The following PHF21B variants were observed in gnomAD, a reference collection of about 807,000 sequenced individuals.
PHF21B encodes PHD finger protein 21B, also known as PHD finger protein 4.
Under a neutral mutation model 62.2 loss-of-function variants are expected in PHF21B, and 22 were observed. That is an observed-to-expected ratio of 0.35 (90% CI 0.25 to 0.51). The LOEUF is 0.51. PHF21B is among the 20% of genes least tolerant of loss of function. The pLI is 0.97. For missense variants in PHF21B, 701 were observed against 707.9 expected (o/e 0.99, Z 0.11); for synonymous variants, 341 against 314.7 (o/e 1.08, Z -0.88).
intron 2 of PHF21B, among the ~76,000 whole-genome samples, chr22:44,987,760 C>A (rs554293872): frequency 1.6e-3 from 98 of 61,890 alleles, no homozygotes; most frequent in African/African-American, 5.6e-3. Context: ...AACACTCTCT[C>A]GTCTCCTCTC....
At chr22:44,989,963 G>T (rs2073017105) in intron 2 of PHF21B, among the ~76,000 whole-genome samples, 1 of 152,186 alleles carries the variant, frequency 6.6e-6, no homozygotes, top group South Asian at 2.1e-4. Flanking sequence ...ATCTCTAACA[G>T]GAGAATTCCT....
At chr22:45,002,701 G>A (rs748499706) in intron 2 of PHF21B, among the ~76,000 whole-genome samples, 7 of 152,146 alleles carry the variant, frequency 4.6e-5, no homozygotes, top group African/African-American at 9.7e-5. Flanking sequence ...TTCCTGCCTC[G>A]TGCCCTAGAA....
intron 2 of PHF21B, among the ~76,000 whole-genome samples, chr22:44,993,055 T>C (rs2073066487): frequency 6.6e-6 from 1 of 152,146 alleles, no homozygotes; most frequent in Admixed American, 6.5e-5. Context: ...TGCCACTCCC[T>C]GAGATGCCAG....
intron 2 of PHF21B, chr22:45,001,971 C>T (rs887105631): frequency 3.9e-5 from 6 of 152,214 alleles, no homozygotes; most frequent in African/African-American, 1.2e-4. Flanking sequence ...CCGATGAGCA[C>T]GTGTTGCTTT....
intron 2 of PHF21B, among the ~76,000 whole-genome samples, chr22:44,983,233 C>CAAAAA (rs59497234): frequency 6.7e-6 from 1 of 149,228 alleles, no homozygotes; most frequent in Non-Finnish European, 1.5e-5. Flanking sequence ...GACTCTGTCT[C>CAAAAA]AAAAAAAAAA....
At chr22:44,995,747 A>G (rs571933360) in intron 2 of PHF21B, among the ~76,000 whole-genome samples, 170 of 151,980 alleles carry the variant, frequency 1.1e-3, no homozygotes, top group African/African-American at 3.9e-3. Context: ...TGTTGAGTGG[A>G]GACAGAGATG....
intron 2 of PHF21B, among the ~76,000 whole-genome samples, chr22:44,995,805 C>T (rs1394359428): frequency 6.7e-6 from 1 of 149,664 alleles, no homozygotes; most frequent in Non-Finnish European, 1.5e-5. Context: ...CCACCTCCAC[C>T]CCCCCATCCC....
chr22:44,962,938 A>G (rs2072453611), intron 2 of PHF21B, among the ~76,000 whole-genome samples: 1 of 152,216 alleles, frequency 6.6e-6, no homozygotes, highest in South Asian at 2.1e-4. Flanking sequence ...CACCATGATG[A>G]TAAAACAAAT....
chr22:44,965,845 C>T (rs1235522407), intron 2 of PHF21B, among the ~76,000 whole-genome samples: 1 of 152,144 alleles, frequency 6.6e-6, no homozygotes, highest in Non-Finnish European at 1.5e-5. Context: ...ATCACAAGGA[C>T]CCTCAGCAGG....
At chr22:44,957,199 T>C (rs2072317659) in intron 2 of PHF21B, among the ~76,000 whole-genome samples, 1 of 152,252 alleles carries the variant, frequency 6.6e-6, no homozygotes, top group Admixed American at 6.5e-5. Flanking sequence ...CTGCAGTCTC[T>C]GAAAGCCAGG....
At chr22:44,980,060 C>T (rs1272372471) in intron 2 of PHF21B, among the ~76,000 whole-genome samples, 1 of 81,170 alleles carries the variant, frequency 1.2e-5, no homozygotes, top group Admixed American at 2.3e-4. Context: ...CAGAGCAAGA[C>T]TTCGTCTCAA....
At chr22:45,004,561 A>G (rs978739767) in intron 2 of PHF21B, among the ~76,000 whole-genome samples, 2 of 152,222 alleles carry the variant, frequency 1.3e-5, no homozygotes, top group Non-Finnish European at 2.9e-5. Context: ...TGTTTCAACA[A>G]TGAGAACTGG....
At chr22:44,892,545 T>C (rs776485703) in intron 7 of PHF21B, among the ~76,000 whole-genome samples, 1 of 152,182 alleles carries the variant, frequency 6.6e-6, no homozygotes, top group Non-Finnish European at 1.5e-5. Context: ...TTCCTCACCT[T>C]CCTCCAGATC....
At chr22:44,914,360 G>A (rs752317438) in intron 4 of PHF21B, among the ~76,000 whole-genome samples, 1 of 152,218 alleles carries the variant, frequency 6.6e-6, no homozygotes, top group African/African-American at 2.4e-5. Context: ...CTGCCCCACC[G>A]CTTCCCAGCT....
At chr22:44,962,627 T>C (rs1416856936) in intron 2 of PHF21B, among the ~76,000 whole-genome samples, 1 of 152,246 alleles carries the variant, frequency 6.6e-6, no homozygotes, top group Non-Finnish European at 1.5e-5. Context: ...AGGGACCATC[T>C]GTACACCACA....
chr22:44,980,301 T>C (rs934651774), intron 2 of PHF21B, among the ~76,000 whole-genome samples: 1 of 151,590 alleles, frequency 6.6e-6, no homozygotes, highest in Admixed American at 6.6e-5. Flanking sequence ...GTCTCAGGTG[T>C]CTCTATCTAC....
intron 2 of PHF21B, among the ~76,000 whole-genome samples, chr22:44,940,994 G>C (rs758303430): frequency 1.3e-5 from 2 of 152,180 alleles, no homozygotes; most frequent in Non-Finnish European, 2.9e-5. Context: ...AATTTTTAAA[G>C]GCTCAACAAA....
chr22:44,971,417 G>A (rs1026918497), intron 2 of PHF21B: 4 of 152,204 alleles, frequency 2.6e-5, no homozygotes, highest in African/African-American at 9.7e-5. Flanking sequence ...AGCAGAAGGA[G>A]TGCATCCGAG....
chr22:44,964,292 A>G (rs972492748), intron 2 of PHF21B, among the ~76,000 whole-genome samples: 1 of 152,218 alleles, frequency 6.6e-6, no homozygotes, highest in Non-Finnish European at 1.5e-5. Flanking sequence ...ACCCAGAGAC[A>G]CATTCAACAG....
Sources: allele counts gnomAD v4.1 joint callset (sites outside exome capture counted in the v4.1 genomes callset), GRCh38; gene constraint gnomAD v4.1.1; transcripts MANE v1.5; gene names NCBI Gene and HGNC (gene_info 2026-07-23, HGNC 2026-07-21).